The following UBR4 variants were observed in gnomAD, a reference collection of about 807,000 sequenced individuals.
UBR4 encodes ubiquitin protein ligase E3 component n-recognin 4.
UBR4 carries 124 observed loss-of-function variants against 575.6 expected under a neutral mutation model. The observed-to-expected ratio is 0.22, with a 90% CI of 0.19 to 0.25. The LOEUF is 0.25. Ranked by LOEUF, UBR4 falls within the 10% of genes least tolerant of loss-of-function variation. UBR4 has a pLI of 1.00. For missense variants in UBR4, 4,818 were observed against 6,478.8 expected (o/e 0.74, Z 8.80); for synonymous variants, 2,455 against 2,473.7 (o/e 0.99, Z 0.22).
intron 101 of UBR4, among the ~76,000 whole-genome samples, chr1:19,084,927 G>C (rs541133772): frequency 1.3e-5 from 2 of 152,310 alleles, no homozygotes; most frequent in South Asian, 4.1e-4. Context: ...GCCAAGTTTT[G>C]ATGAGAGCCC....
chr1:19,131,538 A>G (rs2082457051), intron 60 of UBR4, among the ~76,000 whole-genome samples: 1 of 152,152 alleles, frequency 6.6e-6, no homozygotes, highest in Non-Finnish European at 1.5e-5. Context: ...AAGATATAAC[A>G]CCATTTTAGA....
At chr1:19,134,414 T>G (rs932002622) in intron 60 of UBR4, among the ~76,000 whole-genome samples, 10 of 152,120 alleles carry the variant, frequency 6.6e-5, no homozygotes, top group Non-Finnish European at 1.5e-4. Context: ...GAGACTGTCT[T>G]AAAAGAAAAC....
In UBR4 at chr1:19,177,456, T is replaced by C. The variant is rs557309014; in HGVS notation, c.2637+5A>G. 4.4e-5 allele frequency: 71 copies of C among 1,612,844 alleles called. No individual in the cohort carries two copies. Among genetic ancestry groups the C allele is most frequent in the Middle Eastern group, 1.6e-4 (1 of 6,078 alleles). On this transcript the variant is annotated splice_donor_5th_base_variant and intron_variant, in intron 19 of 105. Coordinates refer to ENST00000375254, the MANE Select transcript of UBR4 (RefSeq NM_020765.3). ...TGAAGCAAAAAAGAACGTGTTGGTC[T>C]GTACCTGCTCAAATAGATACACAGG...
Position 19,110,521 on chromosome 1 carries a change from C to G in UBR4, c.11893-57G>C, listed in dbSNP as rs532121093. ...GAGGGTCAGCTCCGGTCCAGCGACT[C>G]TTAACTATTAATACAATTTCTGGTC... On this transcript the variant is annotated intron_variant, in intron 79 of 105. Transcript: ENST00000375254. This position sits in a 1 kb window ranked among gnomAD's most constrained non-coding sequence, Gnocchi z 4.5. 3.9e-6 allele frequency: 6 copies of G among 1,557,316 alleles called. No individual in the cohort carries two copies. In the African/African-American group the frequency reaches 6.8e-5, roughly 18 times the overall value.
At chr1:19,098,117 A>G (rs1252140297) in intron 90 of UBR4, among the ~76,000 whole-genome samples, 1 of 152,242 alleles carries the variant, frequency 6.6e-6, no homozygotes, top group Non-Finnish European at 1.5e-5. Flanking sequence ...CCTGCCTCCA[A>G]GTCTATGCTG....
At position 19,153,349 on chromosome 1, in the gene UBR4, CA is replaced by C; in HGVS notation, c.6783del (p.Ser2261ArgfsTer6). The part of the protein sequence containing the change: ...YWLQPSLQPS[S>X]VISIMKPVRK... ...CGAACAGGCTTCATGATGCTGATGA[CA>C]CTGCTGGGCTGCAGGGATGGCTGCA... On this transcript the variant is annotated frameshift_variant, in exon 46 of 106. Coordinates refer to ENST00000375254, the MANE Select transcript of UBR4 (RefSeq NM_020765.3). LOFTEE classifies it high-confidence loss of function. The surrounding 1 kb of genome is among the most constrained non-coding windows in gnomAD (Gnocchi z 4.1). 1 of 1,614,182 alleles carries C rather than the reference CA, an allele frequency of 6.2e-7. No individual in the cohort carries two copies. Among genetic ancestry groups the C allele is most frequent in the African/African-American group, 1.3e-5 (1 of 75,042 alleles).
At position 19,081,814 on chromosome 1, in the gene UBR4, T is replaced by G. The variant is rs754273545; in HGVS notation, c.15009-241A>C. On this transcript the variant is annotated intron_variant, in intron 102 of 105. Transcript: ENST00000375254. ...CTTCTTCCCTGGCCCCATGTCTAGC[T>G]CCTACCCCAGCTCTAATACAATTCC... 4.3e-5 allele frequency: 30 copies of G among 697,854 alleles called. No individual in the cohort carries two copies. The African/African-American group carries it at 5.0e-4, about 12-fold the overall frequency. 43.2% of individuals were successfully genotyped at this position (697,854 alleles called of 1,614,324 possible).
In UBR4 at chr1:19,077,965, A is replaced by G. The variant is rs764804372; in HGVS notation, c.15324+11T>C. 5 of 1,613,910 alleles carry G rather than the reference A, an allele frequency of 3.1e-6. No individual in the cohort carries two copies. The African/African-American group carries it at 4.0e-5, about 13-fold the overall frequency. On this transcript the variant is annotated intron_variant, in intron 104 of 105. Coordinates refer to ENST00000375254, the MANE Select transcript of UBR4 (RefSeq NM_020765.3). ...TGCCAAAACCCACTGGGCCTCTGACAGCCTCCTTACCTTAAACATGTTGTA... is the reference window on the plus strand; with the variant it reads ...TGCCAAAACCCACTGGGCCTCTGACGGCCTCCTTACCTTAAACATGTTGTA...
At position 19,117,476 on chromosome 1, in the gene UBR4, T is replaced by C. The variant is rs909258904; in HGVS notation, c.10630-62A>G. ...AAGACTCGTACTGCCTTTTTAAAAA[T>C]TCATCAGTGTAACCCACTCTTCATC... On this transcript the variant is annotated intron_variant, in intron 72 of 105. Coordinates refer to ENST00000375254, the MANE Select transcript of UBR4 (RefSeq NM_020765.3). This position sits in a 1 kb window ranked among gnomAD's most constrained non-coding sequence, Gnocchi z 4.0. 41 of 1,546,814 alleles carry C rather than the reference T, an allele frequency of 2.7e-5. No homozygotes were observed. Among genetic ancestry groups the C allele is most frequent in the Non-Finnish European group, 3.1e-5 (35 of 1,125,450 alleles).
Position 19,109,959 on chromosome 1 carries a change from A to T in UBR4, c.12105+137T>A, listed in dbSNP as rs2079656006. The T allele has an allele frequency of 4.6e-6, 6 of 1,314,884 alleles. No individual in the cohort carries two copies. In the Admixed American group the frequency reaches 1.3e-4, roughly 29 times the overall value. The allele number at this position is 1,314,884 out of a possible 1,614,324, so 81.5% of individuals were successfully genotyped here. A position where few individuals can be genotyped will look rare whatever the true frequency, so the allele number is the denominator to read the frequency against. On this transcript the variant is annotated intron_variant, in intron 81 of 105. Coordinates refer to ENST00000375254, the MANE Select transcript of UBR4 (RefSeq NM_020765.3). Reference sequence around the variant, plus strand: ...CAACCCATATCTGCTGAACTAAGGCAAAGGCTGCACTGGAGCCTCTCAGGG... The same window carrying T: ...CAACCCATATCTGCTGAACTAAGGCTAAGGCTGCACTGGAGCCTCTCAGGG...
intron 68 of UBR4, 41 bp from the exon 69 acceptor site, chr1:19,120,389 G>C (rs1446905814): frequency 7.5e-6 from 12 of 1,602,370 alleles, no homozygotes; most frequent in Non-Finnish European, 9.4e-6. Context: ...AGAGTAGGAA[G>C]AAGTCCTCCA....
In UBR4 at chr1:19,153,808, A is replaced by C. The variant is rs1392913658; in HGVS notation, c.6590T>G (p.Phe2197Cys). 6.2e-7 allele frequency: 1 copy of C among 1,614,066 alleles called. No homozygotes were observed. The highest frequency in any genetic ancestry group is 1.3e-5 in the African/African-American group (1 of 74,932). Reference protein sequence around the residue: ...PLVVMVKPDTFLIQEIKTLPA... With the variant: ...PLVVMVKPDTCLIQEIKTLPA... ...AAGAGTCTTAATCTCCTGGATAAGAAAAGTGTCTGGTTTCACCATAACTAC... is the reference window on the plus strand; with the variant it reads ...AAGAGTCTTAATCTCCTGGATAAGACAAGTGTCTGGTTTCACCATAACTAC... Residue 2197 changes from phenylalanine (F) to cysteine (C), a missense_variant, in exon 45 of 106, where the codon TTT (phenylalanine) becomes TGT (cysteine). Coordinates refer to ENST00000375254, the MANE Select transcript of UBR4 (RefSeq NM_020765.3). The surrounding 1 kb of genome is among the most constrained non-coding windows in gnomAD (Gnocchi z 4.1).
chr1:19,154,858 T>G, intron 44 of UBR4, 60 bp downstream of exon 44: 1 of 1,597,242 alleles, frequency 6.3e-7, no homozygotes, highest in Non-Finnish European at 8.6e-7. Context: ...ATAGTGGGAG[T>G]GGAGATCCCA....
rs993405229 is a variant in UBR4, at chr1:19,154,025, G to A, written c.6459-86C>T. 9.7e-6 allele frequency: 14 copies of A among 1,445,232 alleles called. No individual in the cohort carries two copies. In the African/African-American group the frequency reaches 2.0e-4, roughly 21 times the overall value. The allele number at this position is 1,445,232 out of a possible 1,614,324, so 89.5% of individuals were successfully genotyped here. A position where few individuals can be genotyped will look rare whatever the true frequency, so the allele number is the denominator to read the frequency against. ...TGACCTAAAAACCATCCTCTAACTGGCTACGTGACTCCAAAGCAATATCCT... is the reference window on the plus strand; with the variant it reads ...TGACCTAAAAACCATCCTCTAACTGACTACGTGACTCCAAAGCAATATCCT... On this transcript the variant is annotated intron_variant, in intron 44 of 105. Coordinates refer to ENST00000375254, the MANE Select transcript of UBR4 (RefSeq NM_020765.3).
chr1:19,144,976 A>C (rs999220322), intron 53 of UBR4, 69 bp from the exon 54 acceptor site: 4 of 1,588,242 alleles, frequency 2.5e-6, no homozygotes, highest in Non-Finnish European at 2.6e-6. Context: ...AGTCTGAGAC[A>C]AAAGTGTAAC....
At chr1:19,184,962 C>T (rs2091379021) in intron 15 of UBR4, 137 bp downstream of exon 15, 1 of 1,009,718 alleles carries the variant, frequency 9.9e-7, no homozygotes, top group Non-Finnish European at 1.5e-6. Flanking sequence ...ATAATCAAGA[C>T]ATATAAGTCC....
intron 17 of UBR4, 135 bp downstream of exon 17, chr1:19,183,676 C>T (rs998600639): frequency 1.8e-5 from 15 of 835,474 alleles, no homozygotes; most frequent in African/African-American, 1.2e-4. Context: ...GAGCCAAGAC[C>T]GTGTCACTGC....
At chr1:19,168,871 G>T (rs922857179) in intron 27 of UBR4, among the ~76,000 whole-genome samples, 1 of 151,968 alleles carries the variant, frequency 6.6e-6, no homozygotes, top group Non-Finnish European at 1.5e-5. Context: ...CCAGCTACTC[G>T]GGAGGCTGAG....
chr1:19,168,665 T>C (rs1177434109), intron 27 of UBR4, among the ~76,000 whole-genome samples: 6 of 151,652 alleles, frequency 4.0e-5, no homozygotes, highest in African/African-American at 1.5e-4. Flanking sequence ...ATACAAAGAG[T>C]AAGTTAACTG....
Sources: allele counts gnomAD v4.1 joint callset (sites outside exome capture counted in the v4.1 genomes callset), GRCh38; gene constraint gnomAD v4.1.1; non-coding constraint Gnocchi (gnomAD v3.1); transcripts MANE v1.5; gene names NCBI Gene and HGNC (gene_info 2026-07-23, HGNC 2026-07-21).